Variants in INHBC observed in about 807,000 individuals in gnomAD.
INHBC encodes the protein inhibin subunit beta C.
A neutral mutation model predicts 12.4 loss-of-function variants in INHBC; 10 were observed. The ratio of observed to expected loss-of-function variants is 0.81; its 90% CI spans 0.50 to 1.37. The LOEUF is 1.37. INHBC is among the 40% of genes most tolerant of loss of function. The pLI is 0.00. For missense variants in INHBC, 382 were observed against 439.4 expected (o/e 0.87, Z 1.17); for synonymous variants, 147 against 171.6 (o/e 0.86, Z 1.12).
At chr12:57,437,569 G>A (rs1321589960) in intron 1 of INHBC, among the ~76,000 whole-genome samples, 1 of 150,882 alleles carries the variant, frequency 6.6e-6, no homozygotes. Flanking sequence ...TACTCTGGAG[G>A]CTGAGGCAGG....
rs1007566097 is a variant in INHBC at position 57,440,541 on chromosome 12, T to C, written c.313+5342T>C. ...AGAGATGGGTTTTCAGCATGTTAGC[T>C]CGGATGGTCTTGATTTCTTGACCTT... On this transcript the variant is annotated intron_variant, in intron 1 of 1. Transcript: ENST00000309668. Among the ~76,000 whole-genome samples the C allele has an allele frequency of 7.9e-5, 12 of 152,026 alleles. No homozygotes were observed. In the South Asian group the frequency reaches 2.3e-3, roughly 29 times the overall value.
Position 57,434,969 on chromosome 12 carries a change from C to A in INHBC, c.83C>A (p.Ala28Glu). Residue 28 changes from alanine to glutamate, a missense_variant, in exon 1 of 2, where the codon GCA becomes GAA. Coordinates refer to ENST00000309668, the MANE Select transcript of INHBC (RefSeq NM_005538.4). Reference sequence around the variant, plus strand: ...CCCAGAGCTGGCGGTCAGTGTCCAGCATGTGGGGGGCCCACCTTGGAACTG... The same window carrying A: ...CCCAGAGCTGGCGGTCAGTGTCCAGAATGTGGGGGGCCCACCTTGGAACTG... ...ATPRAGGQCP[A>E]CGGPTLELES... 2 of 1,614,226 alleles carry A rather than the reference C, an allele frequency of 1.2e-6. No homozygotes were observed. Among genetic ancestry groups the A allele is most frequent in the Non-Finnish European group, 1.7e-6 (2 of 1,180,042 alleles).
chr12:57,443,544 A>G (rs1258268524), intron 1 of INHBC, among the ~76,000 whole-genome samples: 1 of 152,074 alleles, frequency 6.6e-6, no homozygotes, highest in Non-Finnish European at 1.5e-5. Flanking sequence ...TTGGCCTCCC[A>G]AAGTGCTGGG....
chr12:57,442,553 T>C (rs997916187), intron 1 of INHBC, among the ~76,000 whole-genome samples: 1 of 152,156 alleles, frequency 6.6e-6, no homozygotes, highest in Non-Finnish European at 1.5e-5. Context: ...TCCTATAGAC[T>C]TGGGACCTGG....
chr12:57,443,788 T>C (rs1235708179), intron 1 of INHBC, among the ~76,000 whole-genome samples: 4 of 152,070 alleles, frequency 2.6e-5, no homozygotes. Context: ...GTATTTTGTT[T>C]GTTTGTTTGT....
At chr12:57,443,550 C>T (rs1193998602) in intron 1 of INHBC, among the ~76,000 whole-genome samples, 2 of 151,986 alleles carry the variant, frequency 1.3e-5, no homozygotes, top group East Asian at 3.9e-4. Context: ...TCCCAAAGTG[C>T]TGGGATTACA....
chr12:57,444,516 G>C (rs1594728657), intron 1 of INHBC, among the ~76,000 whole-genome samples: 1 of 150,436 alleles, frequency 6.6e-6, no homozygotes, highest in African/African-American at 2.5e-5. Flanking sequence ...AATCTAGCCT[G>C]GGTGACAGAG....
rs966091987 is a variant in INHBC at position 57,447,341 on chromosome 12, C to T, written c.314-1936C>T. 1.7e-4 allele frequency among the ~76,000 whole-genome samples: 26 copies of T among 151,980 alleles called. No individual in the cohort carries two copies. In the East Asian group the frequency reaches 2.0e-3, roughly 11 times the overall value. On this transcript the variant is annotated intron_variant, in intron 1 of 1. Coordinates refer to ENST00000309668, the MANE Select transcript of INHBC (RefSeq NM_005538.4). The stretch of plus-strand genomic sequence containing the variant: ...CTGGGATTACAGGCGCCCACTGCCA[C>T]GCCTGGCTGATTTTTGTATTTTTAG...
intron 1 of INHBC, among the ~76,000 whole-genome samples, chr12:57,445,895 G>A (rs1473505030): frequency 1.4e-4 from 22 of 151,746 alleles, no homozygotes; most frequent in African/African-American, 5.1e-4. Context: ...ACAGGTGCCC[G>A]CAGCATGCCT....
rs1307094340 is a variant in INHBC, at chr12:57,443,268, C to G, written c.314-6009C>G. The stretch of plus-strand genomic sequence containing the variant: ...GAGTAGCTGGGACTACAGGGGCGTG[C>G]CACCATGCCCAGCTAATTTTTTTTT... On this transcript the variant is annotated intron_variant, in intron 1 of 1. Transcript: ENST00000309668. 5.3e-5 allele frequency among the ~76,000 whole-genome samples: 8 copies of G among 151,224 alleles called. No homozygotes were observed. The East Asian group carries it at 1.6e-3, about 30-fold the overall frequency.
At position 57,450,793 on chromosome 12, in the gene INHBC, C is replaced by G. The variant is rs975567372; in HGVS notation, c.*771C>G. 15 of 152,528 alleles carry G rather than the reference C, an allele frequency of 9.8e-5. No homozygotes were observed. The highest frequency in any genetic ancestry group is 3.6e-4 in the African/African-American group (15 of 41,416). The allele number at this position is 152,528 out of a possible 1,614,324, so 9.4% of individuals were successfully genotyped here. ...GTGTCCCTACACTACCTGGCTACCC[C>G]CTTCCATGGCCCCAGCTCTGCCTAC... On this transcript the variant is annotated 3_prime_UTR_variant, in exon 2 of 2. Transcript: ENST00000309668.
chr12:57,443,740 T>C (rs919718368), intron 1 of INHBC, among the ~76,000 whole-genome samples: 1 of 152,230 alleles, frequency 6.6e-6, no homozygotes, highest in African/African-American at 2.4e-5. Context: ...AGAATCCTGA[T>C]GTTAAAATAA....
rs1340474159 is a variant in INHBC, at chr12:57,451,824, A to C, written c.*1802A>C. On this transcript the variant is annotated 3_prime_UTR_variant, in exon 2 of 2. Coordinates refer to ENST00000309668, the MANE Select transcript of INHBC (RefSeq NM_005538.4). ...AAGGAGGCCTTCTGGTGTCTCCCCCACACATCCCCGACCCCCAGATCTAAC... is the reference window on the plus strand; with the variant it reads ...AAGGAGGCCTTCTGGTGTCTCCCCCCCACATCCCCGACCCCCAGATCTAAC... The C allele has an allele frequency of 2.2e-6, 1 of 455,258 alleles. No individual in the cohort carries two copies. The highest frequency in any genetic ancestry group is 2.0e-5 in the African/African-American group (1 of 49,900). 28.2% of individuals were successfully genotyped at this position (455,258 alleles called of 1,614,324 possible). A position where few individuals can be genotyped will look rare whatever the true frequency, so the allele number is the denominator to read the frequency against.
chr12:57,440,155 G>T (rs1369125132), intron 1 of INHBC, among the ~76,000 whole-genome samples: 1 of 152,058 alleles, frequency 6.6e-6, no homozygotes, highest in African/African-American at 2.4e-5. Context: ...GAATGAAAAA[G>T]AATTTTTGTC....
intron 1 of INHBC, among the ~76,000 whole-genome samples, chr12:57,447,223 C>T (rs543230105): frequency 3.3e-5 from 5 of 151,976 alleles, no homozygotes; most frequent in African/African-American, 1.2e-4. Context: ...CTCGCTCTGT[C>T]TCTCAGGATG....
chr12:57,439,428 C>T (rs1870411563), intron 1 of INHBC, among the ~76,000 whole-genome samples: 1 of 152,186 alleles, frequency 6.6e-6, no homozygotes, highest in African/African-American at 2.4e-5. Context: ...AATCCACCCT[C>T]TCAGCCCTTG....
chr12:57,445,718 C>CCT (rs1555325058), intron 1 of INHBC, among the ~76,000 whole-genome samples: 3 of 145,110 alleles, frequency 2.1e-5, no homozygotes, highest in African/African-American at 7.6e-5. Context: ...GTGAGACCCC[C>CCT]CGCCCATCTC....
chr12:57,448,109 G>C (rs1870630271), intron 1 of INHBC, among the ~76,000 whole-genome samples: 1 of 151,334 alleles, frequency 6.6e-6, no homozygotes, highest in Middle Eastern at 3.4e-3. Flanking sequence ...ACTCCACCCA[G>C]CTCTGGGACA....
chr12:57,448,653 A>G (rs1870640402), intron 1 of INHBC, among the ~76,000 whole-genome samples: 1 of 152,090 alleles, frequency 6.6e-6, no homozygotes, highest in Non-Finnish European at 1.5e-5. Context: ...AGGAAATGAA[A>G]GTCCAAGACA....
Sources: gnomAD v4.1 joint callset for allele counts (sites outside exome capture counted in the v4.1 genomes callset) on GRCh38, gnomAD v4.1.1 for gene constraint, MANE v1.5 for transcripts, NCBI Gene and HGNC (gene_info 2026-07-23, HGNC 2026-07-21) for gene names.